The following PLA2G4A variants were observed in gnomAD, a reference collection of about 807,000 sequenced individuals.
PLA2G4A encodes phospholipase A2 group IVA, also known as cytosolic phospholipase A2.
PLA2G4A carries 40 observed loss-of-function variants against 81.9 expected under a neutral mutation model. The observed-to-expected ratio is 0.49, with a 90% CI of 0.38 to 0.64. The LOEUF is 0.64. Among genes scored for constraint, PLA2G4A ranks in the 30% least tolerant of loss-of-function variants. The pLI, the probability that PLA2G4A is intolerant of heterozygous loss-of-function variation, is 0.00. For synonymous variants in PLA2G4A, 302 were observed against 296.9 expected (o/e 1.02, Z -0.18); for missense variants, 715 against 905.1 (o/e 0.79, Z 2.69).
chr1:186,935,666 G>A (rs1440318257), intron 8 of PLA2G4A, among the ~76,000 whole-genome samples: 1 of 151,962 alleles, frequency 6.6e-6, no homozygotes, highest in Admixed American at 6.6e-5. Context: ...GATGATTCAT[G>A]TTCACAGTTC....
At chr1:186,849,559 G>A (rs777379789) in intron 1 of PLA2G4A, among the ~76,000 whole-genome samples, 3 of 151,896 alleles carry the variant, frequency 2.0e-5, no homozygotes, top group South Asian at 2.1e-4. Flanking sequence ...CCACTTTCAC[G>A]TTTGCTCACC....
In PLA2G4A at chr1:186,868,488, A is replaced by G. The variant is rs529249168; in HGVS notation, c.34-1947A>G. Among the ~76,000 whole-genome samples, 10 of 152,304 alleles carry G rather than the reference A, an allele frequency of 6.6e-5. No individual in the cohort carries two copies. In the South Asian group the frequency reaches 2.1e-3, roughly 32 times the overall value. ...TTGGCTTGTAGTTTTCTTTTCTTGT[A>G]ATGACTTTGTCTGGTTTTGGAATTA... On this transcript the variant is annotated intron_variant, in intron 2 of 17. Transcript: ENST00000367466.
At chr1:186,932,987 G>A in intron 8 of PLA2G4A, 88 bp downstream of exon 8, 1 of 954,774 alleles carries the variant, frequency 1.0e-6, no homozygotes, top group Non-Finnish European at 1.6e-6. Context: ...AGGGGATTTA[G>A]AAAATTGATC....
intron 1 of PLA2G4A, among the ~76,000 whole-genome samples, chr1:186,847,002 A>G (rs1237932686): frequency 6.6e-6 from 1 of 152,040 alleles, no homozygotes; most frequent in African/African-American, 2.4e-5. Context: ...TTATTGTTGT[A>G]TACATTAGAT....
At chr1:186,859,610 T>C (rs1225429121) in intron 2 of PLA2G4A, among the ~76,000 whole-genome samples, 2 of 152,130 alleles carry the variant, frequency 1.3e-5, no homozygotes, top group African/African-American at 4.8e-5. Flanking sequence ...GGCAGCATGA[T>C]TGCATAGTAA....
chr1:186,906,190 C>T (rs1053879679), intron 5 of PLA2G4A, among the ~76,000 whole-genome samples: 1 of 152,168 alleles, frequency 6.6e-6, no homozygotes, highest in Non-Finnish European at 1.5e-5. Flanking sequence ...TAACAATCTA[C>T]AATTACATTT....
At chr1:186,950,008 C>A (rs1476358622) in intron 12 of PLA2G4A, among the ~76,000 whole-genome samples, 1 of 152,174 alleles carries the variant, frequency 6.6e-6, no homozygotes, top group Non-Finnish European at 1.5e-5. Flanking sequence ...GCAGGCCAGC[C>A]TGGGTAACCA....
chr1:186,948,122 ACTC>A (rs1177401416), intron 12 of PLA2G4A, among the ~76,000 whole-genome samples: 3 of 151,746 alleles, frequency 2.0e-5, no homozygotes, highest in South Asian at 4.2e-4. Context: ...AGTGTGGTAA[ACTC>A]CTGTAGTTCA....
At chr1:186,867,891 A>T (rs907796054) in intron 2 of PLA2G4A, among the ~76,000 whole-genome samples, 1 of 151,800 alleles carries the variant, frequency 6.6e-6, no homozygotes, top group Non-Finnish European at 1.5e-5. Context: ...GCTCACTGAA[A>T]TTTTTTATTA....
At chr1:186,930,561 G>A (rs72709877) in intron 7 of PLA2G4A, among the ~76,000 whole-genome samples, 1 of 151,970 alleles carries the variant, frequency 6.6e-6, no homozygotes, top group African/African-American at 2.4e-5. Context: ...CAGGCTGTTT[G>A]CTGTGTGTTG....
At chr1:186,925,785 T>G (rs1655525385) in intron 7 of PLA2G4A, among the ~76,000 whole-genome samples, 1 of 152,216 alleles carries the variant, frequency 6.6e-6, no homozygotes, top group South Asian at 2.1e-4. Context: ...TGGTTGTACT[T>G]AAAAAAATTC....
intron 1 of PLA2G4A, among the ~76,000 whole-genome samples, chr1:186,832,197 C>T (rs1280948224): frequency 6.6e-6 from 1 of 151,764 alleles, no homozygotes; most frequent in Non-Finnish European, 1.5e-5. Flanking sequence ...TAATAGTTTT[C>T]CACTATTATA....
At chr1:186,942,913 C>T (rs556980465) in intron 10 of PLA2G4A, among the ~76,000 whole-genome samples, 8 of 152,138 alleles carry the variant, frequency 5.3e-5, no homozygotes, top group African/African-American at 1.7e-4. Context: ...CAGATTTAGA[C>T]AAAATCATTA....
At chr1:186,906,848 G>C in intron 5 of PLA2G4A, 117 bp from the exon 6 acceptor site, 1 of 635,758 alleles carries the variant, frequency 1.6e-6, no homozygotes, top group Non-Finnish European at 2.8e-6. Context: ...TTATTTTTAG[G>C]GTTTTGTTTT....
intron 2 of PLA2G4A, among the ~76,000 whole-genome samples, chr1:186,864,729 T>C (rs1169917989): frequency 1.3e-5 from 2 of 151,448 alleles, no homozygotes; most frequent in Non-Finnish European, 2.9e-5. Context: ...TACTCGTGAT[T>C]AAAAGAGGAC....
chr1:186,834,353 G>GA (rs1651702053), intron 1 of PLA2G4A, among the ~76,000 whole-genome samples: 1 of 151,992 alleles, frequency 6.6e-6, no homozygotes, highest in Non-Finnish European at 1.5e-5. Flanking sequence ...TTACAGATGT[G>GA]AAAAAGAGCT....
intron 3 of PLA2G4A, among the ~76,000 whole-genome samples, chr1:186,889,781 ACTT>A (rs1365392457): frequency 4.5e-5 from 6 of 132,798 alleles, no homozygotes; most frequent in African/African-American, 1.7e-4. Flanking sequence ...AGACCTCTGT[ACTT>A]CTTCTCTCCC....
At chr1:186,972,612 G>T (rs889417420) in intron 15 of PLA2G4A, among the ~76,000 whole-genome samples, 1 of 152,148 alleles carries the variant, frequency 6.6e-6, no homozygotes, top group Non-Finnish European at 1.5e-5. Flanking sequence ...GTTGCCATAC[G>T]TTGGACATAA....
At chr1:186,857,648 C>T (rs1247457583) in intron 2 of PLA2G4A, among the ~76,000 whole-genome samples, 3 of 149,636 alleles carry the variant, frequency 2.0e-5, no homozygotes, top group African/African-American at 7.4e-5. Flanking sequence ...GGTACATGTG[C>T]ACAACGTGTA....
Sources: allele counts gnomAD v4.1 joint callset (sites outside exome capture counted in the v4.1 genomes callset), GRCh38; gene constraint gnomAD v4.1.1; transcripts MANE v1.5; gene names NCBI Gene and HGNC (gene_info 2026-07-23, HGNC 2026-07-21).